Variants in MYRIP observed in about 807,000 individuals in gnomAD.
The protein encoded by MYRIP is rab effector MyRIP.
MYRIP carries 49 observed loss-of-function variants against 98.0 expected under a neutral mutation model. The ratio of observed to expected loss-of-function variants is 0.50; its 90% CI spans 0.40 to 0.63. The LOEUF is 0.63. MYRIP is among the 30% of genes least tolerant of loss of function. The pLI is 0.00. For synonymous variants in MYRIP, 404 were observed against 409.5 expected, an observed-to-expected ratio of 0.99 and a Z score of 0.16; for missense variants, 1,004 against 1,058.2, an observed-to-expected ratio of 0.95 and a Z score of 0.71.
intron 1 of MYRIP, among the ~76,000 whole-genome samples, chr3:39,827,703 A>G (rs1055359790): frequency 3.9e-5 from 6 of 152,110 alleles, no homozygotes; most frequent in East Asian, 3.9e-4. Context: ...ATAATTTCAC[A>G]CTTGGTGAAT....
chr3:39,941,813 A>G (rs1944792437), intron 2 of MYRIP, among the ~76,000 whole-genome samples: 1 of 152,052 alleles, frequency 6.6e-6, no homozygotes. Flanking sequence ...ATATTATAAA[A>G]TTTTATCTTC....
chr3:40,204,764 T>A lies in MYRIP; in HGVS notation c.1666-5090T>A, dbSNP rs190825909. Among the ~76,000 whole-genome samples the A allele has an allele frequency of 1.1e-3, 163 of 152,262 alleles. 2 individuals are homozygous for A. The South Asian group carries it at 0.015, about 14-fold the overall frequency. On this transcript the variant is annotated intron_variant, in intron 10 of 16. Transcript: ENST00000302541. ...GTAGGGTCCTCATGGCTGCAGGGCA[T>A]CTTAGAGCTAGATGGTGTCCTCTGG...
intron 2 of MYRIP, among the ~76,000 whole-genome samples, chr3:39,911,020 A>C (rs553924156): frequency 8.1e-4 from 123 of 152,292 alleles, no homozygotes; most frequent in Non-Finnish European, 1.4e-3. Context: ...TTTATTACAC[A>C]GTTTAAAAAA....
intron 3 of MYRIP, among the ~76,000 whole-genome samples, chr3:40,073,150 C>T (rs982400469): frequency 2.6e-5 from 4 of 152,182 alleles, no homozygotes; most frequent in Non-Finnish European, 4.4e-5. Flanking sequence ...CTCACAACTA[C>T]ATGAGTTGGT....
intron 3 of MYRIP, among the ~76,000 whole-genome samples, chr3:40,084,264 TATA>T (rs974430632): frequency 2.0e-5 from 1 of 51,240 alleles, no homozygotes; most frequent in African/African-American, 6.3e-5. Flanking sequence ...ATATAAAATA[TATA>T]ATACACATCT....
At chr3:39,973,041 G>A (rs114343863) in intron 2 of MYRIP, among the ~76,000 whole-genome samples, 1,797 of 152,000 alleles carry the variant, frequency 0.012, 36 homozygotes, top group African/African-American at 0.042. Flanking sequence ...AAAAGATCTG[G>A]AGGGAATATT....
At chr3:40,054,921 C>G (rs7637811) in intron 3 of MYRIP, among the ~76,000 whole-genome samples, 43,998 of 152,016 alleles carry the variant, frequency 0.29, 6,443 homozygotes, top group East Asian at 0.35. Context: ...CTTATTAACT[C>G]ACTATAGATT....
At chr3:39,860,532 T>G (rs954120606) in intron 1 of MYRIP, among the ~76,000 whole-genome samples, 16 of 152,202 alleles carry the variant, frequency 1.1e-4, no homozygotes, top group Non-Finnish European at 2.2e-4. Context: ...CCTCCCTGTC[T>G]TCTGGCCTCT....
At chr3:39,995,922 C>G (rs1286532639) in intron 2 of MYRIP, among the ~76,000 whole-genome samples, 1 of 152,172 alleles carries the variant, frequency 6.6e-6, no homozygotes, top group African/African-American at 2.4e-5. Flanking sequence ...ATTTCCTATC[C>G]AGCCAAACTA....
intron 11 of MYRIP, among the ~76,000 whole-genome samples, chr3:40,214,609 C>A (rs1952060672): frequency 6.6e-6 from 1 of 152,146 alleles, no homozygotes; most frequent in Non-Finnish European, 1.5e-5. Flanking sequence ...GAGCTTGGAG[C>A]CAGATCAAAA....
chr3:40,057,121 C>T (rs749253424), intron 3 of MYRIP, among the ~76,000 whole-genome samples: 1 of 152,116 alleles, frequency 6.6e-6, no homozygotes, highest in Non-Finnish European at 1.5e-5. Flanking sequence ...AAACTCAACA[C>T]CCCCACCACC....
At chr3:40,124,813 T>G (rs1329558446) in intron 3 of MYRIP, among the ~76,000 whole-genome samples, 2 of 152,204 alleles carry the variant, frequency 1.3e-5, no homozygotes, top group Non-Finnish European at 1.5e-5. Context: ...ATGGCTGCTG[T>G]GCCAGCAGGC....
At chr3:39,868,073 C>T (rs1942676621) in intron 1 of MYRIP, among the ~76,000 whole-genome samples, 1 of 152,098 alleles carries the variant, frequency 6.6e-6, no homozygotes, top group Admixed American at 6.5e-5. Context: ...GGGAACACTC[C>T]AAGATAAGGA....
At chr3:39,887,853 C>T (rs1433403744) in intron 1 of MYRIP, among the ~76,000 whole-genome samples, 1 of 152,204 alleles carries the variant, frequency 6.6e-6, no homozygotes, top group African/African-American at 2.4e-5. Context: ...AATCAATGTA[C>T]AAAAATCACA....
At chr3:40,010,787 G>T (rs902439106) in intron 2 of MYRIP, among the ~76,000 whole-genome samples, 3 of 152,098 alleles carry the variant, frequency 2.0e-5, no homozygotes, top group African/African-American at 7.2e-5. Flanking sequence ...CCTGGTCCTG[G>T]TTCTGGTTCT....
At chr3:40,023,240 A>G (rs553763864) in intron 2 of MYRIP, among the ~76,000 whole-genome samples, 69 of 152,350 alleles carry the variant, frequency 4.5e-4, no homozygotes, top group Non-Finnish European at 7.9e-4. Flanking sequence ...CTTTAAAAAA[A>G]TCTGGATTTG....
intron 2 of MYRIP, among the ~76,000 whole-genome samples, chr3:39,998,275 A>G (rs1375716466): frequency 6.6e-6 from 1 of 152,234 alleles, no homozygotes; most frequent in Non-Finnish European, 1.5e-5. Context: ...TTGTATGTCT[A>G]GGAAACACCA....
intron 2 of MYRIP, among the ~76,000 whole-genome samples, chr3:39,916,796 C>A (rs1357903976): frequency 6.6e-6 from 1 of 151,906 alleles, no homozygotes; most frequent in Non-Finnish European, 1.5e-5. Flanking sequence ...AGGCCCTAAC[C>A]AAATATAAAA....
intron 3 of MYRIP, among the ~76,000 whole-genome samples, chr3:40,087,485 A>G (rs1296539071): frequency 6.6e-6 from 1 of 152,176 alleles, no homozygotes; most frequent in African/African-American, 2.4e-5. Flanking sequence ...GTGTTATGAG[A>G]GACCAGGCTT....
Sources: gnomAD v4.1 joint callset for allele counts (sites outside exome capture counted in the v4.1 genomes callset) on GRCh38, gnomAD v4.1.1 for gene constraint, MANE v1.5 for transcripts, NCBI Gene and HGNC (gene_info 2026-07-23, HGNC 2026-07-21) for gene names.